The following KCNH7 variants were observed in gnomAD, a reference collection of about 807,000 sequenced individuals.
KCNH7 encodes the protein voltage-gated inwardly rectifying potassium channel KCNH7.
In KCNH7, 49 loss-of-function variants were observed where a neutral mutation model predicts 120.8. That is an observed-to-expected ratio of 0.41 (90% CI 0.32 to 0.51). The LOEUF is 0.51. KCNH7 is among the 20% of genes least tolerant of loss of function. The pLI is 0.38. For missense variants in KCNH7, 1,097 were observed against 1,446.6 expected (o/e 0.76, Z 3.92); for synonymous variants, 547 against 516.1 (o/e 1.06, Z -0.81).
chr2:162,548,971 A>T (rs879426258), intron 2 of KCNH7, among the ~76,000 whole-genome samples: 2 of 152,136 alleles, frequency 1.3e-5, no homozygotes, highest in African/African-American at 4.8e-5. Flanking sequence ...CCCAATATTG[A>T]TTAACTGGGG....
intron 2 of KCNH7, among the ~76,000 whole-genome samples, chr2:162,725,341 C>T (rs895735326): frequency 1.3e-5 from 2 of 151,886 alleles, no homozygotes; most frequent in African/African-American, 4.8e-5. Context: ...TAAAAAGAAA[C>T]ATTTATCACC....
intron 2 of KCNH7, among the ~76,000 whole-genome samples, chr2:162,634,403 C>T (rs571468787): frequency 1.3e-5 from 2 of 152,110 alleles, no homozygotes; most frequent in South Asian, 2.1e-4. Context: ...GACATATTGA[C>T]AAAGGGCAGA....
intron 2 of KCNH7, among the ~76,000 whole-genome samples, chr2:162,710,593 G>T (rs1378082476): frequency 1.3e-5 from 2 of 152,140 alleles, no homozygotes; most frequent in Non-Finnish European, 2.9e-5. Context: ...GTTGGAATGA[G>T]GATCACAGAC....
chr2:162,771,480 C>T (rs1683052933), intron 2 of KCNH7, among the ~76,000 whole-genome samples: 1 of 152,064 alleles, frequency 6.6e-6, no homozygotes, highest in Non-Finnish European at 1.5e-5. Context: ...TTAAGGTACA[C>T]CTGGTTGCCC....
At chr2:162,579,629 GC>G (rs1693807776) in intron 2 of KCNH7, among the ~76,000 whole-genome samples, 2 of 151,996 alleles carry the variant, frequency 1.3e-5, no homozygotes, top group Non-Finnish European at 2.9e-5. Flanking sequence ...CAGATAAACT[GC>G]CCCTGCAGCA....
chr2:162,403,607 A>C (rs1430665359), intron 9 of KCNH7, among the ~76,000 whole-genome samples: 1 of 151,962 alleles, frequency 6.6e-6, no homozygotes, highest in African/African-American at 2.4e-5. Flanking sequence ...GGAAAGGATA[A>C]CATCAAGTTG....
At chr2:162,703,479 G>A (rs982334185) in intron 2 of KCNH7, among the ~76,000 whole-genome samples, 5 of 152,050 alleles carry the variant, frequency 3.3e-5, no homozygotes, top group Non-Finnish European at 5.9e-5. Flanking sequence ...AATAAAACCA[G>A]CAGAAATAAA....
chr2:162,558,397 A>C (rs1243242424), intron 2 of KCNH7, among the ~76,000 whole-genome samples: 1 of 150,436 alleles, frequency 6.6e-6, no homozygotes, highest in Non-Finnish European at 1.5e-5. Context: ...GATGGTCTCG[A>C]TCTCCTGACC....
At chr2:162,552,115 A>T (rs1031732258) in intron 2 of KCNH7, among the ~76,000 whole-genome samples, 1 of 152,202 alleles carries the variant, frequency 6.6e-6, no homozygotes, top group African/African-American at 2.4e-5. Context: ...TACACTCATT[A>T]GACAATGATG....
intron 2 of KCNH7, among the ~76,000 whole-genome samples, chr2:162,640,816 T>C (rs1684127329): frequency 6.6e-6 from 1 of 151,992 alleles, no homozygotes; most frequent in Admixed American, 6.6e-5. Context: ...TGTAAAGACC[T>C]CTCAAAGCTC....
At chr2:162,825,935 A>C (rs1445953179) in intron 2 of KCNH7, among the ~76,000 whole-genome samples, 2 of 152,032 alleles carry the variant, frequency 1.3e-5, no homozygotes, top group East Asian at 1.9e-4. Flanking sequence ...GATATCTGTT[A>C]GTATTAAGAT....
intron 9 of KCNH7, among the ~76,000 whole-genome samples, chr2:162,407,224 C>A (rs776426781): frequency 1.3e-5 from 2 of 151,922 alleles, no homozygotes; most frequent in Non-Finnish European, 2.9e-5. Flanking sequence ...TGATTTATAT[C>A]CCTTAGGGAA....
At chr2:162,550,253 A>G (rs1036123207) in intron 2 of KCNH7, among the ~76,000 whole-genome samples, 28 of 152,320 alleles carry the variant, frequency 1.8e-4, no homozygotes, top group African/African-American at 5.8e-4. Flanking sequence ...AAATGGTGGT[A>G]TAAATGGTAA....
chr2:162,677,604 C>A (rs947292930), intron 2 of KCNH7, among the ~76,000 whole-genome samples: 1 of 151,396 alleles, frequency 6.6e-6, no homozygotes, highest in African/African-American at 2.4e-5. Context: ...ATGTAGTTTC[C>A]AATTCAGGGT....
At chr2:162,630,804 TC>T (rs1012664788) in intron 2 of KCNH7, among the ~76,000 whole-genome samples, 1 of 152,010 alleles carries the variant, frequency 6.6e-6, no homozygotes, top group African/African-American at 2.4e-5. Flanking sequence ...AAATAAGGTC[TC>T]CCATTAAGGA....
chr2:162,777,123 T>C (rs1452503881), intron 2 of KCNH7, among the ~76,000 whole-genome samples: 1 of 152,104 alleles, frequency 6.6e-6, no homozygotes, highest in Non-Finnish European at 1.5e-5. Context: ...ATCCCTAGGA[T>C]TATTCTGCTG....
intron 2 of KCNH7, among the ~76,000 whole-genome samples, chr2:162,566,907 A>G (rs1011738775): frequency 6.6e-5 from 10 of 152,050 alleles, no homozygotes; most frequent in African/African-American, 1.4e-4. Flanking sequence ...TTAAAAAAAT[A>G]GTAGGATTTG....
chr2:162,623,657 C>G (rs1040787414), intron 2 of KCNH7, among the ~76,000 whole-genome samples: 1 of 152,122 alleles, frequency 6.6e-6, no homozygotes, highest in African/African-American at 2.4e-5. Context: ...TCACCTTGTA[C>G]AAGTTACGTA....
In KCNH7 at chr2:162,536,052, A is replaced by C. The variant is rs375425125; in HGVS notation, c.463+873T>G. 5.2e-4 allele frequency among the ~76,000 whole-genome samples: 79 copies of C among 152,020 alleles called. 3 individuals are homozygous for C. In the South Asian group the frequency reaches 5.6e-3, roughly 11 times the overall value. On this transcript the variant is annotated intron_variant, in intron 3 of 15. Coordinates refer to ENST00000332142, the MANE Select transcript of KCNH7 (RefSeq NM_033272.4). ...AGATCCTAAAAAATGAAATCATACA[A>C]GTTCCGGGGAAAGGAAGTGATTTAT...
Sources: gnomAD v4.1 joint callset for allele counts (sites outside exome capture counted in the v4.1 genomes callset) on GRCh38, gnomAD v4.1.1 for gene constraint, MANE v1.5 for transcripts, NCBI Gene and HGNC (gene_info 2026-07-23, HGNC 2026-07-21) for gene names.